TMEM132D: variants seen among roughly 807,000 people sequenced by gnomAD.
TMEM132D encodes transmembrane protein 132D.
In TMEM132D, 21 loss-of-function variants were observed where a neutral mutation model predicts 62.3. The ratio of observed to expected loss-of-function variants is 0.34; its 90% CI spans 0.24 to 0.49. The LOEUF is 0.49. TMEM132D is among the 20% of genes least tolerant of loss of function. The probability of loss-of-function intolerance (pLI) is 0.99; values close to 1 mark genes in which losing one functional copy is unlikely to be tolerated. For synonymous variants in TMEM132D, 621 were observed against 575.6 expected (o/e 1.08, Z -1.13); for missense variants, 1,346 against 1,402.8 (o/e 0.96, Z 0.65).
chr12:129,547,161 G>A (rs1028880229), intron 2 of TMEM132D, among the ~76,000 whole-genome samples: 4 of 152,088 alleles, frequency 2.6e-5, no homozygotes, highest in Admixed American at 6.5e-5. Flanking sequence ...TTCCTCACCC[G>A]GGGCAGCATC....
intron 1 of TMEM132D, among the ~76,000 whole-genome samples, chr12:129,756,885 G>A (rs1197039702): frequency 6.6e-6 from 1 of 152,190 alleles, no homozygotes; most frequent in African/African-American, 2.4e-5. Flanking sequence ...GGCTGTGGAA[G>A]GTTGCGCCCT....
chr12:129,781,794 G>C (rs1299847431), intron 1 of TMEM132D, among the ~76,000 whole-genome samples: 1 of 152,186 alleles, frequency 6.6e-6, no homozygotes, highest in African/African-American at 2.4e-5. Context: ...CAGAGGCTGG[G>C]AAATGTCATC....
chr12:129,722,130 C>T (rs1374999035), intron 1 of TMEM132D, among the ~76,000 whole-genome samples: 2 of 152,204 alleles, frequency 1.3e-5, no homozygotes, highest in African/African-American at 4.8e-5. Context: ...GCTGCTTTTC[C>T]TGTCACTAAT....
chr12:129,501,023 G>A (rs1473769225), intron 3 of TMEM132D, among the ~76,000 whole-genome samples: 1 of 152,114 alleles, frequency 6.6e-6, no homozygotes, highest in Non-Finnish European at 1.5e-5. Flanking sequence ...CCCTGTAAAT[G>A]AGGATAAAGT....
At chr12:129,900,700 C>T (rs1225395373) in intron 1 of TMEM132D, among the ~76,000 whole-genome samples, 1 of 152,176 alleles carries the variant, frequency 6.6e-6, no homozygotes, top group Non-Finnish European at 1.5e-5. Context: ...CCTGCCCCCT[C>T]CCATAAAGTT....
chr12:129,462,329 A>C (rs1004401162), intron 3 of TMEM132D, among the ~76,000 whole-genome samples: 1 of 152,236 alleles, frequency 6.6e-6, no homozygotes, highest in African/African-American at 2.4e-5. Context: ...AGACTGAGTC[A>C]GAGATAGGAA....
chr12:129,505,157 C>T (rs1907783), intron 3 of TMEM132D, among the ~76,000 whole-genome samples: 81,954 of 151,854 alleles, frequency 0.54, 22,787 homozygotes, highest in African/African-American at 0.69. Context: ...GGAGAAAGTT[C>T]CATGCACTGA....
At chr12:129,512,179 AC>A (rs2137074491) in intron 3 of TMEM132D, among the ~76,000 whole-genome samples, 1 of 152,256 alleles carries the variant, frequency 6.6e-6, no homozygotes, top group African/African-American at 2.4e-5. Flanking sequence ...GCTGCCTCTT[AC>A]CCCACTACTT....
chr12:129,271,020 A>G (rs950020875), intron 4 of TMEM132D, among the ~76,000 whole-genome samples: 2 of 152,240 alleles, frequency 1.3e-5, no homozygotes, highest in African/African-American at 4.8e-5. Flanking sequence ...CGTTATTGTT[A>G]GGAGCAGAGT....
At chr12:129,552,075 G>A (rs1876913533) in intron 2 of TMEM132D, among the ~76,000 whole-genome samples, 1 of 152,058 alleles carries the variant, frequency 6.6e-6, no homozygotes, top group South Asian at 2.1e-4. Flanking sequence ...ACTAGTGTTG[G>A]GCCTGAGAGT....
rs1555223034 is a variant in TMEM132D, at chr12:129,636,737, T to TGAGA, written c.968+63069_968+63072dup. Among the ~76,000 whole-genome samples, 68 of 113,632 alleles carry TGAGA rather than the reference T, an allele frequency of 6.0e-4. No homozygotes were observed. In the South Asian group the frequency reaches 6.5e-3, roughly 11 times the overall value. The allele number at this position is 113,632 out of a possible 152,430, so 74.5% of individuals were successfully genotyped here. ...GTGTGTGTGTGTGTGTGTGTGTGTG[T>TGAGA]GAGAGAGAGAGAGAGAGAGACAGAG... On this transcript the variant is annotated intron_variant, in intron 2 of 8. Coordinates refer to ENST00000422113, the MANE Select transcript of TMEM132D (RefSeq NM_133448.3).
chr12:129,152,384 A>C (rs1352995906), intron 5 of TMEM132D, among the ~76,000 whole-genome samples: 1 of 152,174 alleles, frequency 6.6e-6, no homozygotes, highest in Non-Finnish European at 1.5e-5. Flanking sequence ...TTGTCTTGTA[A>C]TCAGTGTCAG....
chr12:129,311,513 A>G (rs1311822894), intron 4 of TMEM132D, among the ~76,000 whole-genome samples: 1 of 152,230 alleles, frequency 6.6e-6, no homozygotes, highest in African/African-American at 2.4e-5. Context: ...TGCACTGAGA[A>G]CAGTGGACAA....
At chr12:129,794,900 A>G (rs534311035) in intron 1 of TMEM132D, among the ~76,000 whole-genome samples, 1 of 152,290 alleles carries the variant, frequency 6.6e-6, no homozygotes, top group South Asian at 2.1e-4. Context: ...ACATGCACAT[A>G]TATGCATTTC....
At chr12:129,745,037 C>A (rs1438506447) in intron 1 of TMEM132D, among the ~76,000 whole-genome samples, 2 of 152,140 alleles carry the variant, frequency 1.3e-5, no homozygotes, top group Middle Eastern at 3.2e-3. Context: ...GTTCCTCCTA[C>A]ACACATGCTC....
intron 2 of TMEM132D, among the ~76,000 whole-genome samples, chr12:129,654,255 TTCTCTC>T (rs368963587): frequency 6.8e-6 from 1 of 147,476 alleles, no homozygotes; most frequent in African/African-American, 2.5e-5. Context: ...GTCTCTCTCT[TTCTCTC>T]TCTCTCTCTC....
intron 2 of TMEM132D, among the ~76,000 whole-genome samples, chr12:129,636,531 T>C (rs1278594264): frequency 2.6e-5 from 4 of 152,200 alleles, no homozygotes. Flanking sequence ...TGTAGGTTTC[T>C]TTTGAAATCC....
At chr12:129,660,102 G>A (rs1032374317) in intron 2 of TMEM132D, among the ~76,000 whole-genome samples, 8 of 152,234 alleles carry the variant, frequency 5.3e-5, no homozygotes, top group South Asian at 2.1e-4. Context: ...AAAGCCCTGC[G>A]GAGTAACCGG....
intron 4 of TMEM132D, among the ~76,000 whole-genome samples, chr12:129,326,773 CTGAAA>C (rs774189297): frequency 1.1e-4 from 17 of 152,060 alleles, no homozygotes; most frequent in Non-Finnish European, 2.5e-4. Flanking sequence ...CTTTACTGTC[CTGAAA>C]TAAGAACCAT....
Sources: gnomAD v4.1 joint callset for allele counts (sites outside exome capture counted in the v4.1 genomes callset) on GRCh38, gnomAD v4.1.1 for gene constraint, MANE v1.5 for transcripts, NCBI Gene and HGNC (gene_info 2026-07-23, HGNC 2026-07-21) for gene names.